Variants in PLEKHA8 observed in about 807,000 individuals in gnomAD.
PLEKHA8 encodes pleckstrin homology domain-containing family A member 8.
PLEKHA8 carries 36 observed loss-of-function variants against 68.2 expected under a neutral mutation model. The observed-to-expected ratio is 0.53, with a 90% confidence interval of 0.40 to 0.70. The LOEUF (loss-of-function observed/expected upper bound fraction) is 0.70. PLEKHA8 is among the 30% of genes least tolerant of loss of function. The pLI is 0.00. For missense variants in PLEKHA8, 505 were observed against 615.4 expected (o/e 0.82, Z 1.90); for synonymous variants, 211 against 216.1 (o/e 0.98, Z 0.20).
intron 1 of PLEKHA8, among the ~76,000 whole-genome samples, chr7:30,040,111 C>T (rs1468730323): frequency 6.6e-6 from 1 of 152,038 alleles, no homozygotes; most frequent in Admixed American, 6.5e-5. Context: ...GCTTTTTGTA[C>T]GTTTAGTGAG....
chr7:30,062,410 A>G (rs1264174752), intron 11 of PLEKHA8, among the ~76,000 whole-genome samples: 1 of 152,196 alleles, frequency 6.6e-6, no homozygotes, highest in Non-Finnish European at 1.5e-5. Context: ...GCAAATTCCC[A>G]GGTGATGCTA....
At position 30,116,321 on chromosome 7, in the gene PLEKHA8, CAT is replaced by C. The variant is rs537629158; in HGVS notation, c.1363-12942_1363-12941del. Among the ~76,000 whole-genome samples, 121 of 151,510 alleles carry C rather than the reference CAT, an allele frequency of 8.0e-4. 2 individuals carry two copies. Among genetic ancestry groups the C allele is most frequent in the Middle Eastern group, 3.4e-3 (1 of 294 alleles). ...ATACATGTATACATATATACATACA[CAT>C]ATGTGTGTATGTATATATGTACTAT... On this transcript the variant is annotated intron_variant, in intron 13 of 13. Coordinates refer to the PLEKHA8 transcript ENST00000396257.
At chr7:30,117,839 C>A in intron 13 of PLEKHA8, 1 of 523,500 alleles carries the variant, frequency 1.9e-6, no homozygotes, top group Non-Finnish European at 3.2e-6. Flanking sequence ...CTTATGTTGC[C>A]AACAAGATAT....
intron 7 of PLEKHA8, 94 bp downstream of exon 7, chr7:30,052,960 A>G: frequency 9.7e-7 from 1 of 1,034,878 alleles, no homozygotes; most frequent in Non-Finnish European, 1.4e-6. Context: ...TAACCTCAAG[A>G]CCATGTAGTA....
intron 12 of PLEKHA8, among the ~76,000 whole-genome samples, chr7:30,068,216 T>C (rs777612008): frequency 6.6e-6 from 1 of 152,208 alleles, no homozygotes; most frequent in South Asian, 2.1e-4. Context: ...AGTTCCCAGG[T>C]GATGCTGAGG....
chr7:30,123,530 G>C (rs575779600), intron 13 of PLEKHA8, among the ~76,000 whole-genome samples: 1 of 152,210 alleles, frequency 6.6e-6, no homozygotes, highest in Non-Finnish European at 1.5e-5. Flanking sequence ...TCTAGCATCA[G>C]TGATTGGCTC....
intron 1 of PLEKHA8, 88 bp from the exon 2 acceptor site, chr7:30,044,997 T>C: frequency 1.2e-6 from 1 of 811,212 alleles, no homozygotes; most frequent in Non-Finnish European, 1.9e-6. Context: ...GCTAACCCAG[T>C]ATCCTATGTT....
At position 30,047,986 on chromosome 7, in the gene PLEKHA8, A is replaced by T. The variant is rs776612586; in HGVS notation, c.438+30A>T. On this transcript the variant is annotated intron_variant, in intron 4 of 13. Transcript: ENST00000449726. The stretch of plus-strand genomic sequence containing the variant: ...AATATTATTTATTAATATTATTAAT[A>T]TACATGAATAATATAAAAGAAGTGA... 3 of 1,169,954 alleles carry T rather than the reference A, an allele frequency of 2.6e-6. No homozygotes were observed. In the South Asian group the frequency reaches 8.2e-5, roughly 32 times the overall value. 72.5% of individuals were successfully genotyped at this position (1,169,954 alleles called of 1,614,324 possible).
chr7:30,110,968 G>A lies in PLEKHA8; in HGVS notation c.1363-18298G>A, dbSNP rs540240159. On this transcript the variant is annotated intron_variant, in intron 13 of 13. Coordinates refer to the PLEKHA8 transcript ENST00000396257. ...TGCCCAGACTGGAGTGCAGTGGCGC[G>A]ATCTTGGCGCACTGCAACCTCTGCA... 1.2e-3 allele frequency among the ~76,000 whole-genome samples: 184 copies of A among 150,646 alleles called. 1 individual carries two copies. Among genetic ancestry groups the A allele is most frequent in the African/African-American group, 4.3e-3 (176 of 40,946 alleles).
At chr7:30,038,534 A>G (rs1202827345) in intron 1 of PLEKHA8, among the ~76,000 whole-genome samples, 1 of 152,222 alleles carries the variant, frequency 6.6e-6, no homozygotes, top group Non-Finnish European at 1.5e-5. Context: ...CTTGATCAGA[A>G]AGGAGTAATA....
At chr7:30,107,030 G>T (rs1440796140) in intron 13 of PLEKHA8, among the ~76,000 whole-genome samples, 1 of 151,998 alleles carries the variant, frequency 6.6e-6, no homozygotes, top group African/African-American at 2.4e-5. Context: ...TTAATCTTCT[G>T]TATGAATTTA....
rs553181124 is a variant in PLEKHA8, at chr7:30,118,661, T to G, written c.1363-10605T>G. ...GGCGCGATCTCGGCTCACTGCAAGCTCCGCCTGCCGGGTTCATGCCATTCT... is the reference window on the plus strand; with the variant it reads ...GGCGCGATCTCGGCTCACTGCAAGCGCCGCCTGCCGGGTTCATGCCATTCT... On this transcript the variant is annotated intron_variant, in intron 13 of 13. Coordinates refer to the PLEKHA8 transcript ENST00000396257. Among the ~76,000 whole-genome samples the G allele has an allele frequency of 2.0e-5, 3 of 151,506 alleles. No homozygotes were observed. In the East Asian group the frequency reaches 5.8e-4, roughly 29 times the overall value.
chr7:30,053,565 A>G (rs758481767), intron 7 of PLEKHA8, among the ~76,000 whole-genome samples: 4 of 152,198 alleles, frequency 2.6e-5, no homozygotes, highest in Non-Finnish European at 5.9e-5. Flanking sequence ...TCTGAGAGAG[A>G]CAATCCACAC....
At chr7:30,050,515 AT>A (rs768724444) in intron 6 of PLEKHA8, 41 bp downstream of exon 6, 5 of 1,513,334 alleles carry the variant, frequency 3.3e-6, no homozygotes, top group Admixed American at 4.7e-5. Flanking sequence ...TTAAAAAAAA[AT>A]AAGGATATTG....
chr7:30,056,312 C>CTCTCTCTCTATA lies in PLEKHA8; in HGVS notation c.1039+971_1039+972insCTCTCTCTATAT, dbSNP rs796845171. Among the ~76,000 whole-genome samples, 939 of 94,494 alleles carry CTCTCTCTCTATA rather than the reference C, an allele frequency of 9.9e-3. 30 individuals are homozygous for CTCTCTCTCTATA. The highest frequency in any genetic ancestry group is 0.012 in the Admixed American group (96 of 8,164). The allele number at this position is 94,494 out of a possible 152,430, so 62.0% of individuals were successfully genotyped here. ...TCTCTCTCTCTCTCTCTCTCTCTCT[C>CTCTCTCTCTATA]TATATATATATATATATATAAATAA... On this transcript the variant is annotated intron_variant, in intron 9 of 13. Transcript: ENST00000449726.
chr7:30,041,283 TTG>T (rs1457375550), intron 1 of PLEKHA8, among the ~76,000 whole-genome samples: 3 of 152,228 alleles, frequency 2.0e-5, no homozygotes, highest in African/African-American at 7.2e-5. Context: ...TGGTCACAGT[TTG>T]TGTAGTTACA....
At chr7:30,034,541 A>G (rs781225909) in intron 1 of PLEKHA8, among the ~76,000 whole-genome samples, 1 of 152,220 alleles carries the variant, frequency 6.6e-6, no homozygotes, top group Non-Finnish European at 1.5e-5. Context: ...CTGCATTCCT[A>G]CAATAAAGTA....
chr7:30,055,248 A>G lies in PLEKHA8; in HGVS notation c.954-9A>G. On this transcript the variant is annotated splice_polypyrimidine_tract_variant and intron_variant, in intron 8 of 13. Transcript: ENST00000449726. ...AATCTTTTCTCCTCCATATCACCAA[A>G]TTATGTAGCTTTAGTGACATTGAAC... The G allele has an allele frequency of 6.2e-7, 1 of 1,613,450 alleles. No individual in the cohort carries two copies. Among genetic ancestry groups the G allele is most frequent in the Non-Finnish European group, 8.5e-7 (1 of 1,179,354 alleles).
chr7:30,074,005 C>A, intron 12 of PLEKHA8, 66 bp from the exon 13 acceptor site: 9 of 1,335,716 alleles, frequency 6.7e-6, no homozygotes, highest in South Asian at 1.3e-5. Flanking sequence ...AAAAAAAGTA[C>A]ATTATACAAA....
Sources: gnomAD v4.1 joint callset for allele counts (sites outside exome capture counted in the v4.1 genomes callset) on GRCh38, gnomAD v4.1.1 for gene constraint, MANE v1.5 for transcripts, NCBI Gene and HGNC (gene_info 2026-07-23, HGNC 2026-07-21) for gene names.